The following ARHGAP32 variants were observed in gnomAD, a reference collection of about 807,000 sequenced individuals.
ARHGAP32 encodes rho GTPase-activating protein 32.
A neutral mutation model predicts 186.5 loss-of-function variants in ARHGAP32; 51 were observed. The ratio of observed to expected loss-of-function variants is 0.27; its 90% CI spans 0.22 to 0.35. The LOEUF is 0.35. Ranked by LOEUF, ARHGAP32 falls within the 10% of genes least tolerant of loss-of-function variation. The pLI is 1.00. For synonymous variants in ARHGAP32, 950 were observed against 964.3 expected (o/e 0.99, Z 0.27); for missense variants, 2,186 against 2,623.5 (o/e 0.83, Z 3.64).
chr11:129,264,769 A>T (rs1464475519), intron 1 of ARHGAP32, among the ~76,000 whole-genome samples: 1 of 152,162 alleles, frequency 6.6e-6, no homozygotes, highest in Non-Finnish European at 1.5e-5. Flanking sequence ...CTGGGAAGGT[A>T]CTGAAAAGAA....
rs760437809 is a variant in ARHGAP32, at chr11:128,988,138, T to A, written c.1196-13A>T. On this transcript the variant is annotated splice_polypyrimidine_tract_variant and intron_variant, in intron 12 of 22. Transcript: ENST00000682385. ...AGAACCTGCGGCACTAAAGAGAATTTGTAAAGAAACAGATGAAATTGTAGT... is the reference window on the plus strand; with the variant it reads ...AGAACCTGCGGCACTAAAGAGAATTAGTAAAGAAACAGATGAAATTGTAGT... 6.3e-7 allele frequency: 1 copy of A among 1,599,308 alleles called. No individual in the cohort carries two copies. The highest frequency in any genetic ancestry group is 8.6e-7 in the Non-Finnish European group (1 of 1,168,462).
chr11:129,052,128 C>T (rs572738857), intron 10 of ARHGAP32, among the ~76,000 whole-genome samples: 7 of 152,198 alleles, frequency 4.6e-5, no homozygotes, highest in African/African-American at 1.7e-4. Flanking sequence ...ACTTTGGAGA[C>T]GTCTGGATAT....
chr11:129,084,637 A>T (rs545783463), intron 6 of ARHGAP32, among the ~76,000 whole-genome samples: 137 of 152,292 alleles, frequency 9.0e-4, no homozygotes, highest in African/African-American at 3.2e-3. Flanking sequence ...TCAGCAAACC[A>T]GAAATAAAGG....
At chr11:129,251,580 T>C (rs1034992541) in intron 1 of ARHGAP32, among the ~76,000 whole-genome samples, 2 of 152,108 alleles carry the variant, frequency 1.3e-5, no homozygotes, top group Admixed American at 6.6e-5. Context: ...GAATTACATA[T>C]ATTTATAACC....
intron 1 of ARHGAP32, among the ~76,000 whole-genome samples, chr11:129,191,414 T>G (rs2135554239): frequency 6.6e-6 from 1 of 152,024 alleles, no homozygotes; most frequent in African/African-American, 2.4e-5. Flanking sequence ...CACAAACTGG[T>G]TAAGACATCT....
intron 1 of ARHGAP32, among the ~76,000 whole-genome samples, chr11:129,269,327 G>T: frequency 6.6e-6 from 1 of 151,228 alleles, no homozygotes; most frequent in Admixed American, 6.6e-5. Flanking sequence ...TGAATATGAA[G>T]AAGACAAAAT....
intron 5 of ARHGAP32, among the ~76,000 whole-genome samples, chr11:129,098,720 C>T: frequency 6.6e-6 from 1 of 152,130 alleles, no homozygotes; most frequent in East Asian, 1.9e-4. Flanking sequence ...TTTAATTCCA[C>T]ATTCTTTCCT....
At position 128,969,711 on chromosome 11, in the gene ARHGAP32, A is replaced by G; in HGVS notation, c.5502T>C (p.Ser1834=). ...TATAGAAGCGGTCCTCTCCCTCGGG[A>G]CTGATGGCCTTGGCTGCATGGCGGC... is the stretch of plus-strand genomic sequence containing the variant. ...KESRHAAKAI[S]PEGEDRFYRR... The change falls in exon 23 of 23, where the codon AGT becomes AGC. Residue 1834 remains serine (S), a synonymous_variant. Coordinates refer to ENST00000682385, the MANE Select transcript of ARHGAP32 (RefSeq NM_001378024.1). The surrounding 1 kb of genome is among the most constrained non-coding windows in gnomAD (Gnocchi z 4.8). The G allele has an allele frequency of 3.7e-6, 6 of 1,614,048 alleles. No homozygotes were observed. The highest frequency in any genetic ancestry group is 5.1e-6 in the Non-Finnish European group (6 of 1,179,986).
upstream of ARHGAP32, among the ~76,000 whole-genome samples, chr11:129,194,635 A>G (rs554288464): frequency 5.9e-4 from 90 of 152,240 alleles, no homozygotes; most frequent in Non-Finnish European, 1.2e-3. Flanking sequence ...GAAAACAGAC[A>G]GCTGGAGAAG....
intron 6 of ARHGAP32, among the ~76,000 whole-genome samples, chr11:129,074,344 A>G (rs79053508): frequency 0.014 from 2,136 of 152,280 alleles, 50 homozygotes; most frequent in African/African-American, 0.049. Context: ...AAAATGAATG[A>G]TAGTAATAAT....
chr11:129,027,862 G>A, intron 11 of ARHGAP32, among the ~76,000 whole-genome samples: 1 of 152,136 alleles, frequency 6.6e-6, no homozygotes, highest in South Asian at 2.1e-4. Flanking sequence ...TGGAATTTCT[G>A]TCTGGTGTGT....
At chr11:129,255,648 G>A (rs1945245289) in intron 1 of ARHGAP32, among the ~76,000 whole-genome samples, 1 of 151,902 alleles carries the variant, frequency 6.6e-6, no homozygotes, top group Non-Finnish European at 1.5e-5. Context: ...CTAGTAGTCA[G>A]AATATAAAAA....
At chr11:129,110,770 T>C (rs1231930046) in intron 5 of ARHGAP32, among the ~76,000 whole-genome samples, 3 of 152,220 alleles carry the variant, frequency 2.0e-5, no homozygotes, top group African/African-American at 4.8e-5. Flanking sequence ...CTGATTTTTG[T>C]ATGTTAATTT....
chr11:128,988,070 A>G lies in ARHGAP32; in HGVS notation c.1251T>C (p.Asp417=). 1 of 1,613,646 alleles carries G rather than the reference A, an allele frequency of 6.2e-7. No individual in the cohort carries two copies. The highest frequency in any genetic ancestry group is 1.1e-5 in the South Asian group (1 of 91,036). Residue 417 remains aspartate, a synonymous_variant, in exon 13 of 23, where the codon GAT becomes GAC. Coordinates refer to ENST00000682385, the MANE Select transcript of ARHGAP32 (RefSeq NM_001378024.1). ...TAFIERYGIV[D]GIYRLSGVAS... Reference sequence around the variant, plus strand: ...CAACACCAGAAAGGCGATAGATTCCATCCACGATGCCATATCTCTCAATGA... The same window carrying G: ...CAACACCAGAAAGGCGATAGATTCCGTCCACGATGCCATATCTCTCAATGA...
intron 2 of ARHGAP32, 79 bp downstream of exon 2, chr11:129,164,240 T>C: frequency 1.1e-6 from 1 of 877,780 alleles, no homozygotes; most frequent in South Asian, 2.0e-5. Context: ...GTGTAATGTG[T>C]CCTCAGTTCC....
chr11:129,171,744 T>A (rs890031014), intron 1 of ARHGAP32, among the ~76,000 whole-genome samples: 2 of 152,234 alleles, frequency 1.3e-5, no homozygotes, highest in Non-Finnish European at 2.9e-5. Context: ...GCACTGAATC[T>A]ATAAATTACT....
At chr11:129,070,172 CCA>C in intron 6 of ARHGAP32, among the ~76,000 whole-genome samples, 1 of 151,976 alleles carries the variant, frequency 6.6e-6, no homozygotes, top group East Asian at 1.9e-4. Flanking sequence ...TATAACTATT[CCA>C]CAGTTTCCTC....
Position 128,969,152 on chromosome 11 carries a change from A to G in ARHGAP32, c.6061T>C (p.Tyr2021His). ...CTCTGGCGCTTGCCGTGTGGTTGGTACTGGTACAGCACACTGGGGTCCCTC... is the reference window on the plus strand; with the variant it reads ...CTCTGGCGCTTGCCGTGTGGTTGGTGCTGGTACAGCACACTGGGGTCCCTC... ...VERDPSVLYQYQPHGKRQSSV... is the reference protein window; with the variant it reads ...VERDPSVLYQHQPHGKRQSSV... Residue 2021 changes from tyrosine to histidine, a missense_variant, in exon 23 of 23, where the codon TAC becomes CAC. Tyr to His is a moderately conservative substitution (Grantham distance 83). Transcript: ENST00000682385. This position sits in a 1 kb window ranked among gnomAD's most constrained non-coding sequence, Gnocchi z 4.8. 1 of 1,612,174 alleles carries G rather than the reference A, an allele frequency of 6.2e-7. No individual in the cohort carries two copies. Among genetic ancestry groups the G allele is most frequent in the Non-Finnish European group, 8.5e-7 (1 of 1,178,930 alleles).
At chr11:129,187,016 T>C (rs1332285076) in intron 1 of ARHGAP32, among the ~76,000 whole-genome samples, 1 of 152,158 alleles carries the variant, frequency 6.6e-6, no homozygotes, top group Non-Finnish European at 1.5e-5. Context: ...CTGTTGGACA[T>C]ATACCCAAAT....
Sources: allele counts gnomAD v4.1 joint callset (sites outside exome capture counted in the v4.1 genomes callset), GRCh38; gene constraint gnomAD v4.1.1; non-coding constraint Gnocchi (gnomAD v3.1); transcripts MANE v1.5; gene names NCBI Gene and HGNC (gene_info 2026-07-23, HGNC 2026-07-21).